The following ARAP2 variants were observed in gnomAD, a reference collection of about 807,000 sequenced individuals.
The protein encoded by ARAP2 is arf-GAP with Rho-GAP domain, ANK repeat and PH domain-containing protein 2.
Under a neutral mutation model 194.5 loss-of-function variants are expected in ARAP2, and 148 were observed. The observed-to-expected ratio is 0.76, with a 90% CI of 0.67 to 0.87. The LOEUF (loss-of-function observed/expected upper bound fraction) is 0.87. Among genes scored for constraint, ARAP2 ranks in the 40% least tolerant of loss-of-function variants. The pLI is 0.00. For missense variants in ARAP2, 2,128 were observed against 1,989.7 expected, an observed-to-expected ratio of 1.07 and a Z score of -1.32; for synonymous variants, 695 against 683.5, an observed-to-expected ratio of 1.02 and a Z score of -0.26.
chr4:36,159,471 A>G lies in ARAP2; in HGVS notation c.2477T>C (p.Leu826Pro). Residue 826 changes from leucine (L) to proline (P), a missense_variant, in exon 14 of 33, where the codon CTA becomes CCA. By Grantham distance (98) the Leu-to-Pro change is moderately conservative. Coordinates refer to ENST00000303965, the MANE Select transcript of ARAP2 (RefSeq NM_015230.4). Reference protein sequence around the residue: ...LCAAVVKPDVLETMALLFSGA... With the variant: ...LCAAVVKPDVPETMALLFSGA... The stretch of plus-strand genomic sequence containing the variant: ...ACTGAACAGCAAAGCCATTGTTTCT[A>G]GAACATCCGGTTTCACTACAGCAGC... 1 of 1,592,564 alleles carries G rather than the reference A, an allele frequency of 6.3e-7. No homozygotes were observed. The highest frequency in any genetic ancestry group is 8.6e-7 in the Non-Finnish European group (1 of 1,166,556).
At chr4:36,225,126 C>T (rs1029718014) in intron 2 of ARAP2, among the ~76,000 whole-genome samples, 1 of 152,030 alleles carries the variant, frequency 6.6e-6, no homozygotes, top group African/African-American at 2.4e-5. Context: ...CAACACAGCC[C>T]CTCAGTTTTC....
In ARAP2 at chr4:36,235,474, C is replaced by T. The variant is rs148374896; in HGVS notation, c.-159-5829G>A. ...ACTTTGGTATGTCTCTGCTCAAATG[C>T]GCCCTCTTCAGATAGGTGATCCCTC... is the stretch of plus-strand genomic sequence containing the variant. On this transcript the variant is annotated intron_variant, in intron 1 of 32. Coordinates refer to ENST00000303965, the MANE Select transcript of ARAP2 (RefSeq NM_015230.4). Among the ~76,000 whole-genome samples the T allele has an allele frequency of 7.9e-5, 12 of 152,284 alleles. No individual in the cohort carries two copies. The East Asian group carries it at 2.1e-3, about 27-fold the overall frequency.
At chr4:36,046,643 A>G (rs1341785787) in intron 4 of ARAP2, 1 of 152,274 alleles carries the variant, frequency 6.6e-6, no homozygotes, top group Non-Finnish European at 1.5e-5. Flanking sequence ...CAAAAGTTGT[A>G]TGTAAGAGGA....
intron 15 of ARAP2, among the ~76,000 whole-genome samples, chr4:36,155,031 C>T (rs1005860302): frequency 6.6e-6 from 1 of 152,174 alleles, no homozygotes; most frequent in Non-Finnish European, 1.5e-5. Context: ...ACAAGATATG[C>T]TTTGTGCCAG....
chr4:36,215,965 C>T (rs886224001), intron 2 of ARAP2, among the ~76,000 whole-genome samples: 19 of 151,942 alleles, frequency 1.3e-4, no homozygotes, highest in Non-Finnish European at 2.2e-4. Context: ...TTTTTTTAAG[C>T]CTGGGCACAG....
downstream of ARAP2, among the ~76,000 whole-genome samples, chr4:36,062,810 C>A (rs1724681259): frequency 6.6e-6 from 1 of 151,926 alleles, no homozygotes; most frequent in South Asian, 2.1e-4. Flanking sequence ...CATATAGTGG[C>A]TGTGGCAGAA....
At chr4:36,025,723 G>A (rs577286593) in intron 5 of ARAP2, among the ~76,000 whole-genome samples, 4 of 151,618 alleles carry the variant, frequency 2.6e-5, no homozygotes, top group South Asian at 2.1e-4. Flanking sequence ...AACCACCCAC[G>A]TTACTTATGA....
chr4:36,219,755 A>G lies in ARAP2; in HGVS notation c.906-5275T>C, dbSNP rs117988407. Among the ~76,000 whole-genome samples the G allele has an allele frequency of 2.3e-3, 347 of 152,302 alleles. 10 individuals are homozygous for G. The East Asian group carries it at 0.064, about 28-fold the overall frequency. Reference sequence around the variant, plus strand: ...ACATAAAATATTGGATAAGGTAGAAAATATGAAATATCTAACAAAATTAAG... The same window carrying G: ...ACATAAAATATTGGATAAGGTAGAAGATATGAAATATCTAACAAAATTAAG... On this transcript the variant is annotated intron_variant, in intron 2 of 32. Transcript: ENST00000303965.
chr4:36,155,306 T>C (rs1578099267), intron 15 of ARAP2, among the ~76,000 whole-genome samples: 1 of 152,102 alleles, frequency 6.6e-6, no homozygotes. Flanking sequence ...ATGTGATCAG[T>C]GGTAGGACAA....
intron 26 of ARAP2, among the ~76,000 whole-genome samples, chr4:36,109,315 C>A (rs543344933): frequency 2.0e-5 from 3 of 151,956 alleles, no homozygotes; most frequent in African/African-American, 7.2e-5. Flanking sequence ...ATCCACTAGG[C>A]CACACATCCT....
chr4:36,192,202 G>A (rs990084570), intron 7 of ARAP2, among the ~76,000 whole-genome samples: 3 of 108,462 alleles, frequency 2.8e-5, no homozygotes, highest in Non-Finnish European at 5.3e-5. Flanking sequence ...TTGCCAAAAT[G>A]TAACCAACCA....
intron 24 of ARAP2, 142 bp from the exon 25 acceptor site, chr4:36,117,277 G>T: frequency 1.8e-6 from 1 of 549,240 alleles, no homozygotes; most frequent in Non-Finnish European, 3.0e-6. Flanking sequence ...CTGCTCACAA[G>T]CATGATGTGC....
intron 19 of ARAP2, among the ~76,000 whole-genome samples, chr4:36,133,696 T>A (rs554585993): frequency 8.6e-5 from 13 of 151,930 alleles, no homozygotes; most frequent in South Asian, 2.1e-4. Context: ...TATTTCTGGT[T>A]ACGTTTTTTA....
intron 1 of ARAP2, among the ~76,000 whole-genome samples, chr4:36,230,027 G>A (rs1751128791): frequency 6.6e-6 from 1 of 152,206 alleles, no homozygotes; most frequent in Admixed American, 6.5e-5. Context: ...TTTTTTTAAA[G>A]TATTAGAATA....
intron 15 of ARAP2, among the ~76,000 whole-genome samples, chr4:36,157,962 G>C (rs550591056): frequency 6.6e-6 from 1 of 152,076 alleles, no homozygotes; most frequent in Non-Finnish European, 1.5e-5. Context: ...TCCCGAGCCC[G>C]ATCAATGGCC....
chr4:36,108,914 C>A (rs1301893602), intron 26 of ARAP2, among the ~76,000 whole-genome samples: 3 of 151,962 alleles, frequency 2.0e-5, no homozygotes, highest in Admixed American at 2.0e-4. Context: ...AAAGTCAATT[C>A]AACTCTTTCA....
At chr4:36,133,484 C>G (rs747222717) in intron 19 of ARAP2, 95 bp from the exon 20 acceptor site, 20 of 1,119,746 alleles carry the variant, frequency 1.8e-5, no homozygotes, top group Non-Finnish European at 2.5e-5. Flanking sequence ...CACAATCATG[C>G]AAGACAAACT....
intron 2 of ARAP2, among the ~76,000 whole-genome samples, chr4:36,052,871 A>G (rs1722910978): frequency 6.6e-6 from 1 of 152,140 alleles, no homozygotes; most frequent in Non-Finnish European, 1.5e-5. Flanking sequence ...TGGAGGCTGA[A>G]GCTGGAGAAT....
intron 10 of ARAP2, chr4:36,006,331 G>C (rs1024966542): frequency 6.6e-6 from 1 of 152,208 alleles, no homozygotes; most frequent in African/African-American, 2.4e-5. Context: ...TAGACGTTTG[G>C]TGAGTTCTTA....
Sources: gnomAD v4.1 joint callset for allele counts (sites outside exome capture counted in the v4.1 genomes callset) on GRCh38, gnomAD v4.1.1 for gene constraint, MANE v1.5 for transcripts, NCBI Gene and HGNC (gene_info 2026-07-23, HGNC 2026-07-21) for gene names.